Variants in PPM1L observed in about 807,000 individuals in gnomAD.
PPM1L encodes protein phosphatase, Mg2+/Mn2+ dependent 1L.
Under a neutral mutation model 31.4 loss-of-function variants are expected in PPM1L, and 13 were observed. That is an observed-to-expected ratio of 0.41 (90% confidence interval 0.27 to 0.66). The LOEUF is 0.66. PPM1L is among the 30% of genes least tolerant of loss of function. PPM1L has a pLI of 0.29. For missense variants in PPM1L, 326 were observed against 453.7 expected (o/e 0.72, Z 2.56); for synonymous variants, 184 against 175.4 (o/e 1.05, Z -0.39).
chr3:160,985,861 T>C (rs1330639639), intron 2 of PPM1L, among the ~76,000 whole-genome samples: 1 of 152,118 alleles, frequency 6.6e-6, no homozygotes, highest in Non-Finnish European at 1.5e-5. Context: ...TCTTAAAATT[T>C]ATGGACAGTT....
At position 160,915,266 on chromosome 3, in the gene PPM1L, A is replaced by G. The variant is rs577678783; in HGVS notation, c.400-46470A>G. On this transcript the variant is annotated intron_variant, in intron 1 of 3. Transcript: ENST00000498165. ...ACGAGCATTCTTATACTCCAATAAT[A>G]GACAAACAGAGAGCCAAATCATGAG... Among the ~76,000 whole-genome samples the G allele has an allele frequency of 2.6e-5, 4 of 152,332 alleles. No individual in the cohort carries two copies. The South Asian group carries it at 8.3e-4, about 32-fold the overall frequency.
chr3:161,020,300 CCT>C (rs756971403), intron 2 of PPM1L, among the ~76,000 whole-genome samples: 7 of 151,446 alleles, frequency 4.6e-5, no homozygotes, highest in African/African-American at 7.3e-5. Context: ...AAAATAATAC[CCT>C]GTTTCCTCCC....
intron 2 of PPM1L, among the ~76,000 whole-genome samples, chr3:161,003,032 G>T (rs1255718897): frequency 2.0e-5 from 3 of 150,614 alleles, no homozygotes; most frequent in Non-Finnish European, 4.5e-5. Context: ...GTAAGGAAGG[G>T]ATCCAGTTTC....
intron 1 of PPM1L, among the ~76,000 whole-genome samples, chr3:160,878,613 C>G: frequency 6.6e-6 from 1 of 152,178 alleles, no homozygotes; most frequent in Middle Eastern, 3.2e-3. Context: ...TACCATCACA[C>G]TGAGAGTTAG....
chr3:160,844,682 T>C (rs904935648), intron 1 of PPM1L, among the ~76,000 whole-genome samples: 1 of 152,154 alleles, frequency 6.6e-6, no homozygotes, highest in African/African-American at 2.4e-5. Context: ...GTCTGAGAAC[T>C]GTTTGTCTAG....
Position 161,078,767 on chromosome 3 carries a change from G to A in PPM1L, c.*9610G>A, listed in dbSNP as rs1180494095. 1.3e-5 allele frequency: 2 copies of A among 152,150 alleles called. No individual in the cohort carries two copies. The highest frequency in any genetic ancestry group is 2.1e-4 in the South Asian group (1 of 4,826). 9.4% of individuals were successfully genotyped at this position (152,150 alleles called of 1,614,324 possible). Reference sequence around the variant, plus strand: ...ATTTGGGTCGCTTTGATGGGTGCTCGGGTAGAATTAGCCTTGTAGAGACTA... The same window carrying A: ...ATTTGGGTCGCTTTGATGGGTGCTCAGGTAGAATTAGCCTTGTAGAGACTA... On this transcript the variant is annotated 3_prime_UTR_variant, in exon 4 of 4. Coordinates refer to ENST00000498165, the MANE Select transcript of PPM1L (RefSeq NM_139245.4).
intron 1 of PPM1L, among the ~76,000 whole-genome samples, chr3:160,950,642 A>G (rs1211533391): frequency 6.6e-6 from 1 of 152,220 alleles, no homozygotes; most frequent in Non-Finnish European, 1.5e-5. Context: ...GCAGAAGCCA[A>G]ATAAGGCCCA....
chr3:160,923,547 C>A (rs80173158), intron 1 of PPM1L, among the ~76,000 whole-genome samples: 1 of 152,298 alleles, frequency 6.6e-6, no homozygotes, highest in East Asian at 1.9e-4. Context: ...CATGGCAACA[C>A]TTGGGAAATA....
intron 1 of PPM1L, among the ~76,000 whole-genome samples, chr3:160,915,292 T>G (rs1348735694): frequency 6.6e-6 from 1 of 152,054 alleles, no homozygotes; most frequent in Non-Finnish European, 1.5e-5. Flanking sequence ...AAATCATGAG[T>G]GAATTCCCAT....
At chr3:160,799,864 A>G (rs866432513) in intron 1 of PPM1L, among the ~76,000 whole-genome samples, 29 of 152,066 alleles carry the variant, frequency 1.9e-4, no homozygotes, top group African/African-American at 1.4e-4. Context: ...GTTTTTCTCA[A>G]TGCTTCTCAG....
Position 161,069,143 on chromosome 3 carries a change from A to T in PPM1L, c.1069A>T (p.Thr357Ser). 7.4e-6 allele frequency: 12 copies of T among 1,613,366 alleles called. No individual in the cohort carries two copies. The highest frequency in any genetic ancestry group is 1.0e-5 in the Non-Finnish European group (12 of 1,179,646). ...GGTGAAGTTCAGAAATAGCAGCAAA[A>T]CAGAAGAGCAGTGAACCCTTCAGGG... ...MVVKFRNSSK[T>S]EEQ The change falls in exon 4 of 4, where the codon ACA (threonine) becomes TCA (serine). Residue 357 changes from threonine (T) to serine (S), a missense_variant. Thr to Ser is a moderately conservative substitution (Grantham distance 58, BLOSUM62 1). Transcript: ENST00000498165.
intron 1 of PPM1L, among the ~76,000 whole-genome samples, chr3:160,807,970 T>C (rs1055078096): frequency 3.9e-5 from 6 of 152,212 alleles, no homozygotes; most frequent in African/African-American, 1.2e-4. Flanking sequence ...TGTGATCTGT[T>C]TTCTGGGAGA....
chr3:161,009,493 G>A (rs964278027), intron 2 of PPM1L, among the ~76,000 whole-genome samples: 13 of 152,184 alleles, frequency 8.5e-5, no homozygotes, highest in Admixed American at 3.3e-4. Flanking sequence ...TGAAAATCAT[G>A]TATAAGAATC....
intron 1 of PPM1L, among the ~76,000 whole-genome samples, chr3:160,780,650 T>G (rs1218268361): frequency 6.6e-6 from 1 of 152,180 alleles, no homozygotes; most frequent in African/African-American, 2.4e-5. Flanking sequence ...GTTTGATTCC[T>G]TTCGAACTCT....
intron 2 of PPM1L, among the ~76,000 whole-genome samples, chr3:160,990,906 C>A (rs1019200518): frequency 1.3e-5 from 2 of 151,942 alleles, no homozygotes; most frequent in East Asian, 1.9e-4. Flanking sequence ...CCAGTCATAC[C>A]CACAGTTATT....
At chr3:160,976,790 G>C (rs1215456021) in intron 2 of PPM1L, among the ~76,000 whole-genome samples, 7 of 152,082 alleles carry the variant, frequency 4.6e-5, no homozygotes, top group Non-Finnish European at 8.8e-5. Flanking sequence ...TCTGCTAGCG[G>C]TCTATCAGTT....
At chr3:161,045,927 C>T (rs1055643802) in intron 2 of PPM1L, among the ~76,000 whole-genome samples, 3 of 151,140 alleles carry the variant, frequency 2.0e-5, no homozygotes. Context: ...CTGGCTAACA[C>T]AGTGAAACCG....
At chr3:160,840,736 G>A (rs1713847542) in intron 1 of PPM1L, among the ~76,000 whole-genome samples, 1 of 148,110 alleles carries the variant, frequency 6.8e-6, no homozygotes, top group African/African-American at 2.6e-5. Flanking sequence ...GAGAGAGAGA[G>A]AGAGAAGGAG....
chr3:160,835,255 C>T (rs986150297), intron 1 of PPM1L, among the ~76,000 whole-genome samples: 2 of 147,516 alleles, frequency 1.4e-5, no homozygotes, highest in African/African-American at 2.5e-5. Flanking sequence ...GGATTTGCCT[C>T]CTGCTCTGAA....
Sources: allele counts gnomAD v4.1 joint callset (sites outside exome capture counted in the v4.1 genomes callset), GRCh38; gene constraint gnomAD v4.1.1; transcripts MANE v1.5; gene names NCBI Gene and HGNC (gene_info 2026-07-23, HGNC 2026-07-21).